KCNQ5: variants seen among roughly 807,000 people sequenced by gnomAD.
KCNQ5 encodes the protein potassium voltage-gated channel subfamily KQT member 5.
Under a neutral mutation model 98.2 loss-of-function variants are expected in KCNQ5, and 30 were observed. The ratio of observed to expected loss-of-function variants is 0.31; its 90% CI spans 0.23 to 0.41. The LOEUF (loss-of-function observed/expected upper bound fraction) is 0.41, where lower values mean the gene tolerates loss of function less well. Ranked by LOEUF, KCNQ5 falls within the 10% of genes least tolerant of loss-of-function variation. The pLI is 1.00. For missense variants in KCNQ5, 835 were observed against 1,182.5 expected (o/e 0.71, Z 4.31); for synonymous variants, 458 against 449.4 (o/e 1.02, Z -0.24).
Position 72,996,368 on chromosome 6 carries a change from A to G in KCNQ5, c.399-7540A>G, listed in dbSNP as rs181059334. On this transcript the variant is annotated intron_variant, in intron 1 of 13. Transcript: ENST00000370398. ...CCCTTTTGCCAGAAGCAACGTGTTA[A>G]TAGATTTTTCTTGCAATAAAATCCT... Among the ~76,000 whole-genome samples the G allele has an allele frequency of 2.2e-4, 34 of 152,346 alleles. No homozygotes were observed. In the East Asian group the frequency reaches 5.2e-3, roughly 23 times the overall value.
intron 1 of KCNQ5, among the ~76,000 whole-genome samples, chr6:72,889,652 A>G (rs1419598879): frequency 6.6e-6 from 1 of 152,224 alleles, no homozygotes; most frequent in Admixed American, 6.5e-5. Context: ...GGCACAAAGA[A>G]GAGAACACAG....
At chr6:73,081,807 A>ACCATAC (rs1773782545) in intron 5 of KCNQ5, among the ~76,000 whole-genome samples, 1 of 152,118 alleles carries the variant, frequency 6.6e-6, no homozygotes, top group South Asian at 2.1e-4. Flanking sequence ...TTATAATCTG[A>ACCATAC]CCATAGCCTC....
At chr6:72,626,405 G>C (rs1406751492) in intron 1 of KCNQ5, among the ~76,000 whole-genome samples, 1 of 152,174 alleles carries the variant, frequency 6.6e-6, no homozygotes, top group East Asian at 1.9e-4. Context: ...AGTAATTCTA[G>C]GTACTGTTAA....
chr6:72,812,385 C>A (rs1775287174), intron 1 of KCNQ5, among the ~76,000 whole-genome samples: 1 of 152,172 alleles, frequency 6.6e-6, no homozygotes, highest in Non-Finnish European at 1.5e-5. Context: ...TGGGCCAGCA[C>A]TCTACCTGTA....
chr6:73,120,706 T>G, intron 8 of KCNQ5, 129 bp downstream of exon 8: 2 of 457,104 alleles, frequency 4.4e-6, no homozygotes, highest in African/African-American at 4.0e-5. Context: ...CCTAAAGAGA[T>G]TCAAACCTAT....
At chr6:72,915,883 G>A (rs1006260955) in intron 1 of KCNQ5, among the ~76,000 whole-genome samples, 1 of 152,162 alleles carries the variant, frequency 6.6e-6, no homozygotes, top group Non-Finnish European at 1.5e-5. Context: ...GGCTTGAAAT[G>A]TTAAGATTCA....
intron 10 of KCNQ5, among the ~76,000 whole-genome samples, chr6:73,150,915 A>G (rs73458585): frequency 0.02 from 3,100 of 151,938 alleles, 105 homozygotes; most frequent in African/African-American, 0.07. Flanking sequence ...GTTGCCAGTA[A>G]TCATGGTGGG....
chr6:72,864,705 A>C (rs971208757), intron 1 of KCNQ5, among the ~76,000 whole-genome samples: 9 of 152,164 alleles, frequency 5.9e-5, no homozygotes, highest in African/African-American at 1.9e-4. Flanking sequence ...TAAAAGTCTT[A>C]GCACAATTTT....
chr6:72,918,936 T>C (rs1780277078), intron 1 of KCNQ5, among the ~76,000 whole-genome samples: 1 of 152,198 alleles, frequency 6.6e-6, no homozygotes, highest in Non-Finnish European at 1.5e-5. Context: ...TTGCCTTCTC[T>C]TCTCCCCTCT....
chr6:72,782,330 A>T (rs1173477364), intron 1 of KCNQ5, among the ~76,000 whole-genome samples: 1 of 152,094 alleles, frequency 6.6e-6, no homozygotes. Context: ...GAGCAGTTCT[A>T]TGCAGAGCAT....
chr6:72,769,509 T>A (rs1772748085), intron 1 of KCNQ5, among the ~76,000 whole-genome samples: 2 of 151,994 alleles, frequency 1.3e-5, no homozygotes, highest in Non-Finnish European at 2.9e-5. Context: ...TCAGAATATC[T>A]GGAGGGGTAC....
At chr6:73,135,947 G>A (rs760588563) in intron 10 of KCNQ5, 5 of 152,130 alleles carry the variant, frequency 3.3e-5, no homozygotes, top group Non-Finnish European at 7.3e-5. Context: ...TGGATTAGGA[G>A]CCACTCTAAT....
At chr6:72,736,525 A>T (rs1286208972) in intron 1 of KCNQ5, among the ~76,000 whole-genome samples, 3 of 68,458 alleles carry the variant, frequency 4.4e-5, no homozygotes, top group Non-Finnish European at 6.7e-5. Flanking sequence ...TTTGAGACGG[A>T]GTCTCGCTCT....
chr6:73,089,652 C>T (rs181548117), intron 5 of KCNQ5, among the ~76,000 whole-genome samples: 191 of 152,238 alleles, frequency 1.3e-3, no homozygotes, highest in African/African-American at 3.9e-3. Context: ...TGAGTGAGAA[C>T]ATAGGATGTT....
At chr6:73,071,299 G>A (rs1394537579) in intron 3 of KCNQ5, among the ~76,000 whole-genome samples, 5 of 152,186 alleles carry the variant, frequency 3.3e-5, no homozygotes, top group African/African-American at 1.2e-4. Context: ...AAGGCATCTT[G>A]ATATCAATCA....
chr6:72,845,501 A>G (rs999616202), intron 1 of KCNQ5, among the ~76,000 whole-genome samples: 3 of 152,218 alleles, frequency 2.0e-5, no homozygotes, highest in African/African-American at 7.2e-5. Flanking sequence ...CAGATATCAG[A>G]TATTGTTATA....
intron 1 of KCNQ5, among the ~76,000 whole-genome samples, chr6:72,623,944 G>A (rs1024151165): frequency 1.3e-5 from 2 of 152,164 alleles, no homozygotes; most frequent in African/African-American, 4.8e-5. Flanking sequence ...AGGTGAACCT[G>A]GAATTCAACC....
At chr6:72,661,443 A>G (rs1448839076) in intron 1 of KCNQ5, among the ~76,000 whole-genome samples, 1 of 152,204 alleles carries the variant, frequency 6.6e-6, no homozygotes, top group African/African-American at 2.4e-5. Flanking sequence ...GAGGTACTCT[A>G]GAAAAATATG....
At chr6:72,765,330 A>C (rs1333637395) in intron 1 of KCNQ5, among the ~76,000 whole-genome samples, 1 of 151,914 alleles carries the variant, frequency 6.6e-6, no homozygotes, top group African/African-American at 2.4e-5. Context: ...GGCAGGGTGG[A>C]GGGAGAAGAA....
Sources: gnomAD v4.1 joint callset for allele counts (sites outside exome capture counted in the v4.1 genomes callset) on GRCh38, gnomAD v4.1.1 for gene constraint, MANE v1.5 for transcripts, NCBI Gene and HGNC (gene_info 2026-07-23, HGNC 2026-07-21) for gene names.